TMPRSS15: variants seen among roughly 807,000 people sequenced by gnomAD.
TMPRSS15 encodes the protein enteropeptidase.
A neutral mutation model predicts 125.3 loss-of-function variants in TMPRSS15; 128 were observed. The observed-to-expected ratio is 1.02, with a 90% confidence interval of 0.89 to 1.18. The LOEUF (loss-of-function observed/expected upper bound fraction) is 1.18, where lower values mean the gene tolerates loss of function less well. Among genes scored for constraint, TMPRSS15 ranks in the 50% most tolerant of loss-of-function variants. The pLI is 0.00. For missense variants in TMPRSS15, 1,283 were observed against 1,212.7 expected, an observed-to-expected ratio of 1.06 and a Z score of -0.86; for synonymous variants, 446 against 423.2, an observed-to-expected ratio of 1.05 and a Z score of -0.66.
At chr21:18,454,179 C>A (rs749427396) in intron 1 of TMPRSS15, among the ~76,000 whole-genome samples, 1 of 151,976 alleles carries the variant, frequency 6.6e-6, no homozygotes, top group African/African-American at 2.4e-5. Context: ...TGTAATATAA[C>A]CTCTAATTTG....
In TMPRSS15 at chr21:18,303,869, G is replaced by A. The variant is rs141205006; in HGVS notation, c.2166-6040C>T. ...TATTAAAAAGTGTAAGCCAAAATAC[G>A]AATGAAAGACAAAGAAGATTCTCCC... On this transcript the variant is annotated intron_variant, in intron 18 of 24. Transcript: ENST00000284885. Among the ~76,000 whole-genome samples, 826 of 152,160 alleles carry A rather than the reference G, an allele frequency of 5.4e-3. 8 individuals are homozygous for A. The highest frequency in any genetic ancestry group is 0.01 in the Middle Eastern group (3 of 294).
intron 1 of TMPRSS15, among the ~76,000 whole-genome samples, chr21:18,462,763 C>A (rs2122953409): frequency 6.6e-6 from 1 of 151,786 alleles, no homozygotes; most frequent in African/African-American, 2.4e-5. Context: ...TAAGATTCAC[C>A]AAGGTTGAAA....
At chr21:18,461,125 A>G (rs1320751455) in intron 1 of TMPRSS15, among the ~76,000 whole-genome samples, 2 of 152,160 alleles carry the variant, frequency 1.3e-5, no homozygotes, top group Non-Finnish European at 2.9e-5. Flanking sequence ...TCCTGACAGT[A>G]TCAAGGAACT....
At chr21:18,406,083 T>C (rs944113453), upstream of TMPRSS15, among the ~76,000 whole-genome samples, 2 of 152,116 alleles carry the variant, frequency 1.3e-5, no homozygotes, top group African/African-American at 4.8e-5. Context: ...TTAAAGGCAG[T>C]CCAGAAAACC....
intron 22 of TMPRSS15, among the ~76,000 whole-genome samples, chr21:18,280,788 T>C (rs905538232): frequency 1.9e-4 from 29 of 152,112 alleles, no homozygotes; most frequent in Admixed American, 1.8e-3. Context: ...GCTTCTCCTT[T>C]GAGTTTACTG....
chr21:18,405,186 T>C (rs1195676016), upstream of TMPRSS15, among the ~76,000 whole-genome samples: 4 of 152,260 alleles, frequency 2.6e-5, no homozygotes, highest in East Asian at 7.7e-4. Flanking sequence ...CAGAAGACAG[T>C]GAGTTCACAT....
chr21:18,321,094 C>G (rs2075229380), intron 16 of TMPRSS15, among the ~76,000 whole-genome samples: 1 of 149,518 alleles, frequency 6.7e-6, no homozygotes, highest in South Asian at 2.1e-4. Context: ...GCCTGATAAA[C>G]ACTGTTGAAT....
At chr21:18,350,117 T>C (rs1403419482) in intron 10 of TMPRSS15, among the ~76,000 whole-genome samples, 3 of 152,156 alleles carry the variant, frequency 2.0e-5, no homozygotes, top group African/African-American at 7.2e-5. Flanking sequence ...ATCAGATTAT[T>C]TGACTGTTTT....
intron 1 of TMPRSS15, among the ~76,000 whole-genome samples, chr21:18,439,564 C>T (rs1439813552): frequency 6.6e-6 from 1 of 152,030 alleles, no homozygotes; most frequent in South Asian, 2.1e-4. Context: ...CATTATTTTT[C>T]CAATTCAAAT....
At position 18,316,312 on chromosome 21, in the gene TMPRSS15, G is replaced by A. The variant is rs536568924; in HGVS notation, c.1922-1056C>T. ...ATAAACAAACTCCTCCACCCCAAAC[G>A]AACATACAAGCAACAACCATTGAAC... On this transcript the variant is annotated intron_variant, in intron 16 of 24. Coordinates refer to ENST00000284885, the MANE Select transcript of TMPRSS15 (RefSeq NM_002772.3). Among the ~76,000 whole-genome samples the A allele has an allele frequency of 4.6e-5, 7 of 152,178 alleles. No individual in the cohort carries two copies. The East Asian group carries it at 5.8e-4, about 13-fold the overall frequency.
chr21:18,340,600 A>AG (rs1459795384), intron 13 of TMPRSS15, among the ~76,000 whole-genome samples: 1 of 152,222 alleles, frequency 6.6e-6, no homozygotes, highest in East Asian at 1.9e-4. Context: ...GCCACTATTT[A>AG]GGACAAAAAT....
chr21:18,296,563 G>A (rs2074910273), intron 19 of TMPRSS15, among the ~76,000 whole-genome samples: 1 of 152,106 alleles, frequency 6.6e-6, no homozygotes, highest in Non-Finnish European at 1.5e-5. Context: ...TCGTTGATAA[G>A]CATAGAATAA....
Position 18,453,100 on chromosome 21 carries a change from A to G in TMPRSS15, c.10+32699T>C, listed in dbSNP as rs62215054. Among the ~76,000 whole-genome samples the G allele has an allele frequency of 5.9e-3, 899 of 152,330 alleles. 6 individuals carry two copies. Among genetic ancestry groups the G allele is most frequent in the Non-Finnish European group, 8.9e-3 (608 of 68,020 alleles). ...CTTTTGAACAACTGCCACAGTTTAT[A>G]AACAACCCCACATTTTTAATTTTGC... is the stretch of plus-strand genomic sequence containing the variant. On this transcript the variant is annotated intron_variant, in intron 1 of 7. Coordinates refer to the TMPRSS15 transcript ENST00000422787.
chr21:18,300,580 A>G (rs2074961189), intron 18 of TMPRSS15, among the ~76,000 whole-genome samples: 1 of 151,982 alleles, frequency 6.6e-6, no homozygotes, highest in African/African-American at 2.4e-5. Flanking sequence ...CCTGACCTCA[A>G]GCAATCCACC....
intron 24 of TMPRSS15, among the ~76,000 whole-genome samples, chr21:18,270,933 A>G (rs1205586723): frequency 2.0e-5 from 3 of 152,194 alleles, no homozygotes; most frequent in Non-Finnish European, 4.4e-5. Flanking sequence ...GAAGACATTT[A>G]AAGTTTTATG....
chr21:18,343,411 C>T (rs546091656), intron 12 of TMPRSS15, 95 bp downstream of exon 12: 45 of 1,188,258 alleles, frequency 3.8e-5, no homozygotes, highest in Non-Finnish European at 5.0e-5. Context: ...TGATTATCTT[C>T]AGAAAATACA....
chr21:18,440,923 A>ACC (rs1416268129), intron 1 of TMPRSS15, among the ~76,000 whole-genome samples: 1 of 152,218 alleles, frequency 6.6e-6, no homozygotes, highest in Non-Finnish European at 1.5e-5. Flanking sequence ...AGAATGATCA[A>ACC]CCTACTAACA....
intron 3 of TMPRSS15, among the ~76,000 whole-genome samples, chr21:18,390,759 G>A (rs1046134245): frequency 1.3e-5 from 2 of 152,104 alleles, no homozygotes; most frequent in African/African-American, 4.8e-5. Context: ...CAATAATAAG[G>A]AGAGAAAATG....
At position 18,298,928 on chromosome 21, in the gene TMPRSS15, T is replaced by C. The variant is rs528258774; in HGVS notation, c.2166-1099A>G. ...AACTATTTAGAAAGTGGTTCTTCTC[T>C]CTTTTAATGTTTTCATCAAGCTGAA... On this transcript the variant is annotated intron_variant, in intron 18 of 24. Transcript: ENST00000284885. Among the ~76,000 whole-genome samples, 60 of 152,376 alleles carry C rather than the reference T, an allele frequency of 3.9e-4. No individual in the cohort carries two copies. The South Asian group carries it at 6.0e-3, about 15-fold the overall frequency.
Sources: allele counts gnomAD v4.1 joint callset (sites outside exome capture counted in the v4.1 genomes callset), GRCh38; gene constraint gnomAD v4.1.1; transcripts MANE v1.5; gene names NCBI Gene and HGNC (gene_info 2026-07-23, HGNC 2026-07-21).